SLC22A11: variants seen among roughly 807,000 people sequenced by gnomAD.
The protein encoded by SLC22A11 is organic anion transporter 4.
SLC22A11 carries 42 observed loss-of-function variants against 49.4 expected under a neutral mutation model. The observed-to-expected ratio is 0.85, with a 90% CI of 0.66 to 1.10. The LOEUF is 1.10. Ranked by LOEUF, SLC22A11 falls within the 50% of genes least tolerant of loss-of-function variation. The probability of loss-of-function intolerance (pLI) is 0.00; values close to 1 mark genes in which losing one functional copy is unlikely to be tolerated. For synonymous variants in SLC22A11, 304 were observed against 315.8 expected, an observed-to-expected ratio of 0.96 and a Z score of 0.40; for missense variants, 685 against 731.6, an observed-to-expected ratio of 0.94 and a Z score of 0.74.
At position 64,571,140 on chromosome 11, in the gene SLC22A11, G is replaced by A. The variant is rs2038698337; in HGVS notation, c.*98G>A. On this transcript the variant is annotated 3_prime_UTR_variant, in exon 10 of 10. Coordinates refer to ENST00000301891, the MANE Select transcript of SLC22A11 (RefSeq NM_018484.4). ...TGGAGGCGAGTTGGGCGACTTCAAGGGCCTGGCATGGCAGAGGCCAGGCAG... is the reference window on the plus strand; with the variant it reads ...TGGAGGCGAGTTGGGCGACTTCAAGAGCCTGGCATGGCAGAGGCCAGGCAG... 2.2e-6 allele frequency: 3 copies of A among 1,338,024 alleles called. No individual in the cohort carries two copies. The highest frequency in any genetic ancestry group is 2.1e-6 in the Non-Finnish European group (2 of 939,250). 82.9% of individuals were successfully genotyped at this position (1,338,024 alleles called of 1,614,324 possible).
In SLC22A11 at chr11:64,555,946, C is replaced by T. The variant is rs1226861454; in HGVS notation, c.-54C>T. 1.8e-5 allele frequency: 27 copies of T among 1,523,928 alleles called. No homozygotes were observed. Among genetic ancestry groups the T allele is most frequent in the African/African-American group, 8.3e-5 (6 of 72,608 alleles). The allele number at this position is 1,523,928 out of a possible 1,614,324, so 94.4% of individuals were successfully genotyped here. A position where few individuals can be genotyped will look rare whatever the true frequency, so the allele number is the denominator to read the frequency against. ...TGGCCCTGGATCTTGTGGCTGCAATCGGTTCCAAACAGCAGTTAGGTCAGC... is the reference window on the plus strand; with the variant it reads ...TGGCCCTGGATCTTGTGGCTGCAATTGGTTCCAAACAGCAGTTAGGTCAGC... On this transcript the variant is annotated 5_prime_UTR_variant, in exon 1 of 10. Coordinates refer to ENST00000301891, the MANE Select transcript of SLC22A11 (RefSeq NM_018484.4).
At chr11:64,568,209 G>A (rs1243084992) in intron 7 of SLC22A11, among the ~76,000 whole-genome samples, 2 of 152,238 alleles carry the variant, frequency 1.3e-5, no homozygotes, top group Admixed American at 1.3e-4. Flanking sequence ...CACCTCCACG[G>A]AGCAACGCGT....
chr11:64,561,181 C>T (rs1380204160), intron 2 of SLC22A11, among the ~76,000 whole-genome samples: 2 of 152,226 alleles, frequency 1.3e-5, no homozygotes, highest in South Asian at 2.1e-4. Context: ...GGGCAGGGGC[C>T]GAGGGCTCTG....
At chr11:64,559,043 G>A (rs544282995) in intron 1 of SLC22A11, 92 bp from the exon 2 acceptor site, 1 of 1,082,382 alleles carries the variant, frequency 9.2e-7, no homozygotes, top group Admixed American at 1.7e-5. Context: ...TGGGAGTCCA[G>A]GGACCCCAGT....
intron 2 of SLC22A11, 140 bp from the exon 3 acceptor site, chr11:64,561,864 C>A: frequency 1.1e-6 from 1 of 939,292 alleles, no homozygotes; most frequent in Non-Finnish European, 1.6e-6. Flanking sequence ...CTGAGTGTAC[C>A]CCTAAAAGTT....
rs767246433 is a variant in SLC22A11 at position 64,556,058 on chromosome 11, AG to A, written c.61del (p.Val21CysfsTer10). The A allele has an allele frequency of 1.2e-6, 2 of 1,613,872 alleles. No homozygotes were observed. The highest frequency in any genetic ancestry group is 2.2e-5 in the South Asian group (2 of 91,082). ...AGGVGLFQTLQVLTFILPCLM... is the reference protein window; with the variant it reads ...AGGVGLFQTLXVLTFILPCLM... The stretch of plus-strand genomic sequence containing the variant: ...GGCGTGGGCCTCTTCCAGACCCTGC[AG>A]GTGCTCACCTTCATCCTCCCCTGCC... On this transcript the variant is annotated frameshift_variant, in exon 1 of 10. Transcript: ENST00000301891. LOFTEE classifies it high-confidence loss of function.
rs778253750 is a variant in SLC22A11, at chr11:64,562,649, C to G, written c.821+214C>G. ...GTCCGTGGCTCCCATCCAGCCCAGA[C>G]AGGCCAAGATGGGCTGGCACAGCAT... On this transcript the variant is annotated intron_variant, in intron 4 of 9. Coordinates refer to ENST00000301891, the MANE Select transcript of SLC22A11 (RefSeq NM_018484.4). This position sits in a 1 kb window ranked among gnomAD's most constrained non-coding sequence, Gnocchi z 4.4. 6.6e-6 allele frequency among the ~76,000 whole-genome samples: 1 copy of G among 152,204 alleles called. No homozygotes were observed. The highest frequency in any genetic ancestry group is 2.4e-5 in the African/African-American group (1 of 41,448).
chr11:64,559,289 A>C (rs1333473609), intron 2 of SLC22A11, 51 bp downstream of exon 2: 1 of 1,365,468 alleles, frequency 7.3e-7, no homozygotes, highest in Non-Finnish European at 1.0e-6. Flanking sequence ...ACATTGTTGA[A>C]GACTATGGGG....
intron 2 of SLC22A11, among the ~76,000 whole-genome samples, chr11:64,561,602 A>T (rs996864657): frequency 1.4e-5 from 2 of 144,862 alleles, no homozygotes; most frequent in African/African-American, 5.2e-5. Flanking sequence ...ACACCTGGCT[A>T]ATTTATTTAT....
At position 64,568,812 on chromosome 11, in the gene SLC22A11, G is replaced by A. The variant is rs780871558; in HGVS notation, c.1382+34G>A. ...GGCTGCAGGCCATGCCCCAGGGCCA[G>A]CAGGGCCGTCCTGAGAGGGCGGTGG... is the stretch of plus-strand genomic sequence containing the variant. On this transcript the variant is annotated intron_variant, in intron 8 of 9. Transcript: ENST00000301891. 3 of 1,584,714 alleles carry A rather than the reference G, an allele frequency of 1.9e-6. No homozygotes were observed. In the African/African-American group the frequency reaches 4.0e-5, roughly 21 times the overall value.
chr11:64,562,657 G>A lies in SLC22A11; in HGVS notation c.821+222G>A, dbSNP rs1344284209. 6.6e-6 allele frequency among the ~76,000 whole-genome samples: 1 copy of A among 152,238 alleles called. No homozygotes were observed. The highest frequency in any genetic ancestry group is 2.4e-5 in the African/African-American group (1 of 41,466). On this transcript the variant is annotated intron_variant, in intron 4 of 9. Transcript: ENST00000301891. The surrounding 1 kb of genome is among the most constrained non-coding windows in gnomAD (Gnocchi z 4.4). ...CTCCCATCCAGCCCAGACAGGCCAAGATGGGCTGGCACAGCATTGGCTCAA... is the reference window on the plus strand; with the variant it reads ...CTCCCATCCAGCCCAGACAGGCCAAAATGGGCTGGCACAGCATTGGCTCAA...
intron 1 of SLC22A11, 50 bp downstream of exon 1, chr11:64,556,442 G>A (rs754175466): frequency 1.9e-6 from 3 of 1,591,320 alleles, no homozygotes; most frequent in South Asian, 2.2e-5. Flanking sequence ...GGAGGTCAGA[G>A]TCATGGATCA....
intron 2 of SLC22A11, among the ~76,000 whole-genome samples, chr11:64,559,673 T>C (rs57827982): frequency 0.45 from 67,611 of 151,558 alleles, 16,076 homozygotes; most frequent in Non-Finnish European, 0.54. Flanking sequence ...GTGCAAGGGA[T>C]GCCTCAGCAG....
Position 64,562,298 on chromosome 11 carries a change from G to A in SLC22A11, c.684G>A (p.Ala228=), listed in dbSNP as rs76833677. The A allele has an allele frequency of 1.4e-5, 23 of 1,608,448 alleles. No homozygotes were observed. The highest frequency in any genetic ancestry group is 1.3e-4 in the East Asian group (6 of 44,696). The change falls in exon 4 of 10, where the codon GCG becomes GCA. Residue 228 remains alanine, a synonymous_variant. Coordinates refer to ENST00000301891, the MANE Select transcript of SLC22A11 (RefSeq NM_018484.4). The surrounding 1 kb of genome is among the most constrained non-coding windows in gnomAD (Gnocchi z 4.4). The stretch of plus-strand genomic sequence containing the variant: ...AGTGGACCACGACCAGCAGGAGGGC[G>A]GTCACCATGACGGTGGTGGGATGTG... ...MVEWTTTSRR[A]VTMTVVGCAF...
chr11:64,559,405 G>A (rs1477937740), intron 2 of SLC22A11, among the ~76,000 whole-genome samples, 167 bp downstream of exon 2: 1 of 151,958 alleles, frequency 6.6e-6, no homozygotes, highest in African/African-American at 2.4e-5. Context: ...CCCACAGGCT[G>A]TTCCGGGTCC....
chr11:64,565,284 C>G lies in SLC22A11; in HGVS notation c.1005C>G (p.Asp335Glu). The G allele has an allele frequency of 6.4e-7, 1 of 1,551,416 alleles. No homozygotes were observed. Among genetic ancestry groups the G allele is most frequent in the Non-Finnish European group, 8.7e-7 (1 of 1,147,844 alleles). Reference sequence around the variant, plus strand: ...CAAAGGAGCCGCGGTCGGTGCTGGACCTGTTCTGCGTGCCCGTGCTCCGCT... The same window carrying G: ...CAAAGGAGCCGCGGTCGGTGCTGGAGCTGTTCTGCGTGCCCGTGCTCCGCT... ...ASAKEPRSVLDLFCVPVLRWR... is the reference protein window; with the variant it reads ...ASAKEPRSVLELFCVPVLRWR... Residue 335 changes from aspartate (D) to glutamate (E), a missense_variant, in exon 6 of 10, where the codon GAC becomes GAG. Coordinates refer to ENST00000301891, the MANE Select transcript of SLC22A11 (RefSeq NM_018484.4). This position sits in a 1 kb window ranked among gnomAD's most constrained non-coding sequence, Gnocchi z 4.1.
Position 64,568,872 on chromosome 11 carries a change from C to T in SLC22A11, c.1382+94C>T. 10 of 1,122,724 alleles carry T rather than the reference C, an allele frequency of 8.9e-6. 1 individual carries two copies. Among genetic ancestry groups the T allele is most frequent in the Non-Finnish European group, 1.3e-5 (10 of 744,258 alleles). 69.5% of individuals were successfully genotyped at this position (1,122,724 alleles called of 1,614,324 possible). A position where few individuals can be genotyped will look rare whatever the true frequency, so the allele number is the denominator to read the frequency against. On this transcript the variant is annotated intron_variant, in intron 8 of 9. Coordinates refer to ENST00000301891, the MANE Select transcript of SLC22A11 (RefSeq NM_018484.4). ...GAAGGGTCTGGCAGCCAGGGAAATG[C>T]AGCCAGGGCCGCTCAGGGTCCCCCC...
rs756887929 is a variant in SLC22A11 at position 64,562,054 on chromosome 11, C to T, written c.548C>T (p.Ala183Val). 1.2e-5 allele frequency: 19 copies of T among 1,613,712 alleles called. No individual in the cohort carries two copies. Among genetic ancestry groups the T allele is most frequent in the East Asian group, 6.7e-5 (3 of 44,882 alleles). Reference protein sequence around the residue: ...LSWCCLQLAVAGTSTIFAPTF... With the variant: ...LSWCCLQLAVVGTSTIFAPTF... ...TGGTGCTGCCTGCAGTTGGCCGTGG[C>T]GGGCACCAGCACCATCTTCGCCCCA... The change falls in exon 3 of 10, where the codon GCG (alanine) becomes GTG (valine). Residue 183 changes from alanine (A) to valine (V), a missense_variant. Ala to Val is a moderately conservative substitution (Grantham distance 64, BLOSUM62 0). Coordinates refer to ENST00000301891, the MANE Select transcript of SLC22A11 (RefSeq NM_018484.4). This position sits in a 1 kb window ranked among gnomAD's most constrained non-coding sequence, Gnocchi z 4.4.
In SLC22A11 at chr11:64,556,544, G is replaced by A. The variant is rs548311064; in HGVS notation, c.393+152G>A. On this transcript the variant is annotated intron_variant, in intron 1 of 9. Transcript: ENST00000301891. ...GTCAGCCACACACAGGGGAGTGGGCGGCAGGGATCAGTCTACAGATGGGGC... is the reference window on the plus strand; with the variant it reads ...GTCAGCCACACACAGGGGAGTGGGCAGCAGGGATCAGTCTACAGATGGGGC... 3.6e-5 allele frequency: 46 copies of A among 1,289,238 alleles called. No individual in the cohort carries two copies. In the East Asian group the frequency reaches 5.6e-4, roughly 16 times the overall value. 79.9% of individuals were successfully genotyped at this position (1,289,238 alleles called of 1,614,324 possible).
Sources: gnomAD v4.1 joint callset for allele counts (sites outside exome capture counted in the v4.1 genomes callset) on GRCh38, gnomAD v4.1.1 for gene constraint, Gnocchi (gnomAD v3.1) non-coding constraint, MANE v1.5 for transcripts, NCBI Gene and HGNC (gene_info 2026-07-23, HGNC 2026-07-21) for gene names.